Variants in CPEB3 observed in about 807,000 individuals in gnomAD.
The protein encoded by CPEB3 is cytoplasmic polyadenylation element binding protein 3.
A neutral mutation model predicts 67.2 loss-of-function variants in CPEB3; 20 were observed. That is an observed-to-expected ratio of 0.30 (90% CI 0.21 to 0.43). The LOEUF (loss-of-function observed/expected upper bound fraction) is 0.43, where lower values mean the gene tolerates loss of function less well. CPEB3 is among the 20% of genes least tolerant of loss of function. The pLI is 1.00. For synonymous variants in CPEB3, 376 were observed against 393.1 expected (o/e 0.96, Z 0.51); for missense variants, 746 against 968.6 (o/e 0.77, Z 3.05).
chr10:92,178,000 T>C (rs181321220), intron 4 of CPEB3, among the ~76,000 whole-genome samples: 91 of 152,244 alleles, frequency 6.0e-4, no homozygotes, highest in African/African-American at 2.1e-3. Flanking sequence ...CTGACTCGCA[T>C]TTTCTTTTTT....
At position 92,178,607 on chromosome 10, in the gene CPEB3, G is replaced by A. The variant is rs541002148; in HGVS notation, c.1222+2356C>T. 3.0e-4 allele frequency among the ~76,000 whole-genome samples: 46 copies of A among 152,226 alleles called. 1 individual carries two copies. The South Asian group carries it at 5.8e-3, about 19-fold the overall frequency. ...TTTAATCCCAGCACTTTGGGAAGTCGAGGTGGGAGGATTGCTTGCAGCAAG... is the reference window on the plus strand; with the variant it reads ...TTTAATCCCAGCACTTTGGGAAGTCAAGGTGGGAGGATTGCTTGCAGCAAG... On this transcript the variant is annotated intron_variant, in intron 4 of 9. Coordinates refer to ENST00000265997, the MANE Select transcript of CPEB3 (RefSeq NM_014912.5).
At position 92,240,162 on chromosome 10, in the gene CPEB3, CG is replaced by C. The variant is rs751359395; in HGVS notation, c.188del (p.Pro63ArgfsTer19). On this transcript the variant is annotated frameshift_variant, in exon 2 of 10. Coordinates refer to ENST00000265997, the MANE Select transcript of CPEB3 (RefSeq NM_014912.5). LOFTEE classifies it high-confidence loss of function. ...GCATCTTGTCCGGGCCGTTGGGGGCCGGGGGGGCAGCGGCTGGGCTGAGGGC... is the reference window on the plus strand; with the variant it reads ...GCATCTTGTCCGGGCCGTTGGGGGCCGGGGGGCAGCGGCTGGGCTGAGGGC... ...VPALSPAAAPPAPNGPDKMQM... is the reference protein window; with the variant it reads ...VPALSPAAAPXAPNGPDKMQM... The C allele has an allele frequency of 2.5e-5, 39 of 1,548,384 alleles. No individual in the cohort carries two copies. Among genetic ancestry groups the C allele is most frequent in the Admixed American group, 7.8e-5 (4 of 50,968 alleles).
intron 3 of CPEB3, among the ~76,000 whole-genome samples, chr10:92,182,864 C>T (rs1848523000): frequency 6.8e-6 from 1 of 146,900 alleles, no homozygotes; most frequent in South Asian, 2.2e-4. Flanking sequence ...AAAAACAAAA[C>T]CCTCGCAAGT....
In CPEB3 at chr10:92,137,488, T is replaced by A. The variant is rs1846159424; in HGVS notation, c.1453+5541A>T. The A allele has an allele frequency of 3.5e-6, 4 of 1,150,728 alleles. No homozygotes were observed. The African/African-American group carries it at 4.6e-5, about 13-fold the overall frequency. The allele number at this position is 1,150,728 out of a possible 1,614,324, so 71.3% of individuals were successfully genotyped here. On this transcript the variant is annotated intron_variant, in intron 6 of 9. Coordinates refer to ENST00000265997, the MANE Select transcript of CPEB3 (RefSeq NM_014912.5). ...CAGCAACACCCAGGTGGTTTTGCTA[T>A]CAGCCACAAGGCCTTCTGATGTGCT... is the stretch of plus-strand genomic sequence containing the variant.
chr10:92,133,317 T>TA (rs1845932539), intron 6 of CPEB3, among the ~76,000 whole-genome samples: 1 of 151,816 alleles, frequency 6.6e-6, no homozygotes, highest in Admixed American at 6.6e-5. Context: ...ATAGACGCAA[T>TA]AAAAAATGAT....
chr10:92,202,288 CA>C (rs1398095506), intron 2 of CPEB3, among the ~76,000 whole-genome samples: 1 of 152,010 alleles, frequency 6.6e-6, no homozygotes, highest in Non-Finnish European at 1.5e-5. Flanking sequence ...TAAATAAAAA[CA>C]TATGTCCACA....
intron 8 of CPEB3, among the ~76,000 whole-genome samples, chr10:92,090,519 G>A (rs1220871790): frequency 6.6e-6 from 1 of 152,214 alleles, no homozygotes; most frequent in Admixed American, 6.5e-5. Context: ...TCCAGCCTGG[G>A]CAACAGAGCG....
At chr10:92,166,135 G>A (rs1036307894) in intron 4 of CPEB3, among the ~76,000 whole-genome samples, 5 of 150,244 alleles carry the variant, frequency 3.3e-5, no homozygotes, top group Admixed American at 1.3e-4. Context: ...TTGAGACAGA[G>A]TTTCACTCTG....
intron 2 of CPEB3, among the ~76,000 whole-genome samples, chr10:92,214,186 G>A (rs991377840): frequency 6.6e-6 from 1 of 152,140 alleles, no homozygotes; most frequent in Non-Finnish European, 1.5e-5. Flanking sequence ...TAAGTCATGA[G>A]GGCTCCACCC....
chr10:92,192,306 G>A (rs1373892908), intron 3 of CPEB3, among the ~76,000 whole-genome samples, 171 bp downstream of exon 3: 1 of 152,026 alleles, frequency 6.6e-6, no homozygotes, highest in African/African-American at 2.4e-5. Context: ...GATTATTATA[G>A]GTAGCTGAAC....
At chr10:92,181,743 A>G (rs544374021) in intron 3 of CPEB3, among the ~76,000 whole-genome samples, 1 of 152,342 alleles carries the variant, frequency 6.6e-6, no homozygotes, top group Non-Finnish European at 1.5e-5. Flanking sequence ...ACACAACCAA[A>G]CCAAAAATAA....
In CPEB3 at chr10:92,049,507, A is replaced by T. The variant is rs961918591; in HGVS notation, c.*2705T>A. On this transcript the variant is annotated 3_prime_UTR_variant, in exon 10 of 10. Coordinates refer to ENST00000265997, the MANE Select transcript of CPEB3 (RefSeq NM_014912.5). Reference sequence around the variant, plus strand: ...AAAGGGAACATGTTATAATTTAATAAACTAAAAAAGTTCTCTTTAAAAAAA... The same window carrying T: ...AAAGGGAACATGTTATAATTTAATATACTAAAAAAGTTCTCTTTAAAAAAA... 6.6e-6 allele frequency: 1 copy of T among 152,638 alleles called. No homozygotes were observed. The highest frequency in any genetic ancestry group is 1.5e-5 in the Non-Finnish European group (1 of 68,044). The allele number at this position is 152,638 out of a possible 1,614,324, so 9.5% of individuals were successfully genotyped here. A position where few individuals can be genotyped will look rare whatever the true frequency, so the allele number is the denominator to read the frequency against.
chr10:92,282,062 A>G (rs1842317946), intron 1 of CPEB3, among the ~76,000 whole-genome samples: 1 of 152,208 alleles, frequency 6.6e-6, no homozygotes, highest in Non-Finnish European at 1.5e-5. Flanking sequence ...TTCTTTACAT[A>G]TACATTTTCT....
intron 6 of CPEB3, among the ~76,000 whole-genome samples, chr10:92,132,180 T>C (rs1168943588): frequency 6.6e-6 from 1 of 152,222 alleles, no homozygotes; most frequent in Non-Finnish European, 1.5e-5. Flanking sequence ...CTGCAGCAAG[T>C]AGTTCTAGAT....
intron 8 of CPEB3, among the ~76,000 whole-genome samples, chr10:92,082,232 T>C (rs1590094755): frequency 1.3e-5 from 2 of 152,288 alleles, no homozygotes; most frequent in East Asian, 1.9e-4. Context: ...AGGTCTGGCC[T>C]GTACTCCTTG....
chr10:92,097,691 G>C (rs1221348581), intron 7 of CPEB3, among the ~76,000 whole-genome samples: 5 of 152,134 alleles, frequency 3.3e-5, no homozygotes, highest in South Asian at 2.1e-4. Flanking sequence ...ACAGTTAGTA[G>C]TGAAATCACT....
chr10:92,072,064 C>T (rs935313259), intron 9 of CPEB3, among the ~76,000 whole-genome samples: 4 of 152,046 alleles, frequency 2.6e-5, no homozygotes, highest in Non-Finnish European at 1.5e-5. Flanking sequence ...AAATTTAATC[C>T]TAACCTGTAT....
chr10:92,151,605 T>C (rs1399846137), intron 4 of CPEB3, among the ~76,000 whole-genome samples: 2 of 152,220 alleles, frequency 1.3e-5, no homozygotes, highest in East Asian at 3.8e-4. Flanking sequence ...TACTTCATAT[T>C]AATATCTGGT....
intron 7 of CPEB3, among the ~76,000 whole-genome samples, chr10:92,095,070 A>G (rs926741433): frequency 2.0e-5 from 3 of 152,198 alleles, no homozygotes; most frequent in African/African-American, 7.2e-5. Context: ...CAATAGCTGT[A>G]GGTTACCACT....
Sources: gnomAD v4.1 joint callset for allele counts (sites outside exome capture counted in the v4.1 genomes callset) on GRCh38, gnomAD v4.1.1 for gene constraint, MANE v1.5 for transcripts, NCBI Gene and HGNC (gene_info 2026-07-23, HGNC 2026-07-21) for gene names.